Variants in STXBP5L observed in about 807,000 individuals in gnomAD.
STXBP5L encodes the protein syntaxin-binding protein 5-like.
In STXBP5L, 65 loss-of-function variants were observed where a neutral mutation model predicts 144.5. The observed-to-expected ratio is 0.45, with a 90% CI of 0.37 to 0.55. STXBP5L has a LOEUF of 0.55. STXBP5L is among the 20% of genes least tolerant of loss of function. The pLI is 0.00. For synonymous variants in STXBP5L, 505 were observed against 469.6 expected (o/e 1.08, Z -0.97); for missense variants, 1,298 against 1,405.5 (o/e 0.92, Z 1.22).
intron 3 of STXBP5L, among the ~76,000 whole-genome samples, chr3:121,007,139 T>C (rs990914540): frequency 6.6e-6 from 1 of 152,164 alleles, no homozygotes; most frequent in South Asian, 2.1e-4. Flanking sequence ...TTAAAAGTTA[T>C]TGAAATTATA....
At chr3:121,004,444 T>C (rs1277703664) in intron 3 of STXBP5L, among the ~76,000 whole-genome samples, 3 of 151,822 alleles carry the variant, frequency 2.0e-5, no homozygotes, top group Non-Finnish European at 4.4e-5. Context: ...CTTAAGGAGA[T>C]TTGGGGCTGA....
intron 2 of STXBP5L, among the ~76,000 whole-genome samples, chr3:120,935,819 T>C (rs1710238657): frequency 6.6e-6 from 1 of 152,202 alleles, no homozygotes; most frequent in East Asian, 1.9e-4. Flanking sequence ...TTTGATCTTC[T>C]GTAGTTTGGA....
intron 22 of STXBP5L, among the ~76,000 whole-genome samples, chr3:121,387,016 C>T (rs927894734): frequency 2.0e-5 from 3 of 152,176 alleles, no homozygotes; most frequent in Non-Finnish European, 2.9e-5. Flanking sequence ...TTTACACTCC[C>T]ACCAACAGTG....
At chr3:121,047,027 T>A (rs577955763) in intron 5 of STXBP5L, among the ~76,000 whole-genome samples, 12 of 152,272 alleles carry the variant, frequency 7.9e-5, no homozygotes, top group South Asian at 6.2e-4. Context: ...ACTTTAGCTG[T>A]GTCCTAGAGA....
chr3:120,969,398 T>G (rs762917724), intron 3 of STXBP5L, among the ~76,000 whole-genome samples: 25 of 30,998 alleles, frequency 8.1e-4, no homozygotes, highest in Admixed American at 3.0e-3. Flanking sequence ...TTATTTGTGT[T>G]TTTTTTTTTT....
chr3:121,006,598 G>T (rs1944329766), intron 3 of STXBP5L, among the ~76,000 whole-genome samples: 2 of 152,168 alleles, frequency 1.3e-5, no homozygotes, highest in South Asian at 2.1e-4. Context: ...TCATTATGAT[G>T]TTAGCTGGTT....
chr3:121,060,161 A>G (rs1340934475), intron 5 of STXBP5L, among the ~76,000 whole-genome samples: 4 of 152,034 alleles, frequency 2.6e-5, no homozygotes, highest in African/African-American at 9.7e-5. Context: ...TACCTAGTTT[A>G]CTGAGTGTTT....
At position 121,259,068 on chromosome 3, in the gene STXBP5L, C is replaced by T. The variant is rs756208490; in HGVS notation, c.1858C>T (p.Pro620Ser). The T allele has an allele frequency of 6.2e-7, 1 of 1,604,248 alleles. No individual in the cohort carries two copies. The highest frequency in any genetic ancestry group is 8.5e-7 in the Non-Finnish European group (1 of 1,174,204). ...TGTGAAGACACGGCCAGTGCGAATGCCTCCAGGATATCAAGCAGAACTTGT... is the reference window on the plus strand; with the variant it reads ...TGTGAAGACACGGCCAGTGCGAATGTCTCCAGGATATCAAGCAGAACTTGT... Reference protein sequence around the residue: ...LNVKTRPVRMPPGYQAELVIQ... With the variant: ...LNVKTRPVRMSPGYQAELVIQ... Residue 620 changes from proline to serine, a missense_variant, in exon 18 of 27, where the codon CCT becomes TCT. Pro to Ser is a moderately conservative substitution (Grantham distance 74). Transcript: ENST00000471454.
intron 22 of STXBP5L, among the ~76,000 whole-genome samples, chr3:121,401,419 A>C (rs573203778): frequency 6.0e-5 from 9 of 149,918 alleles, no homozygotes; most frequent in African/African-American, 2.2e-4. Flanking sequence ...ACTATAAATC[A>C]TGCTGCTATA....
At chr3:121,026,895 A>T (rs1945988712) in intron 3 of STXBP5L, among the ~76,000 whole-genome samples, 1 of 151,770 alleles carries the variant, frequency 6.6e-6, no homozygotes, top group African/African-American at 2.4e-5. Context: ...CTACAAAAAG[A>T]GGTTATTCCA....
At chr3:121,318,454 T>C in intron 19 of STXBP5L, 21 bp from the exon 20 acceptor site, 1 of 1,535,262 alleles carries the variant, frequency 6.5e-7, no homozygotes, top group Non-Finnish European at 8.7e-7. Context: ...TTTATCTCAT[T>C]TTTTTTCATT....
rs138006030 is a variant in STXBP5L at position 121,006,069 on chromosome 3, T to C, written c.288-35631T>C. ...GAGTTCTGTTGATGTCTGTTAGGTCTGCTTGGTGCAGAGCTGAGTTCAATT... is the reference window on the plus strand; with the variant it reads ...GAGTTCTGTTGATGTCTGTTAGGTCCGCTTGGTGCAGAGCTGAGTTCAATT... On this transcript the variant is annotated intron_variant, in intron 3 of 26. Transcript: ENST00000471454. 8.5e-5 allele frequency among the ~76,000 whole-genome samples: 13 copies of C among 152,262 alleles called. No homozygotes were observed. In the South Asian group the frequency reaches 1.0e-3, roughly 12 times the overall value.
At chr3:121,317,720 T>C (rs1260226959) in intron 19 of STXBP5L, among the ~76,000 whole-genome samples, 1 of 152,170 alleles carries the variant, frequency 6.6e-6, no homozygotes, top group Non-Finnish European at 1.5e-5. Context: ...GAAAGAATTA[T>C]AAAATGTTTA....
At chr3:121,088,958 G>A (rs1285800523) in intron 5 of STXBP5L, among the ~76,000 whole-genome samples, 1 of 86,840 alleles carries the variant, frequency 1.2e-5, no homozygotes, top group South Asian at 5.6e-4. Flanking sequence ...CGGGGGAGGG[G>A]GGAGGGATAG....
intron 3 of STXBP5L, among the ~76,000 whole-genome samples, chr3:120,980,628 T>C (rs1941668300): frequency 6.6e-6 from 1 of 152,136 alleles, no homozygotes. Context: ...TAAGAAGCTA[T>C]CATTGGATCT....
intron 2 of STXBP5L, among the ~76,000 whole-genome samples, chr3:120,935,429 T>G (rs201238464): frequency 5.0e-5 from 3 of 59,610 alleles, no homozygotes; most frequent in African/African-American, 1.9e-4. Flanking sequence ...ATTTAAAAAG[T>G]TTTTTTTACC....
At chr3:121,181,660 A>T (rs1222839010) in intron 9 of STXBP5L, among the ~76,000 whole-genome samples, 1 of 151,414 alleles carries the variant, frequency 6.6e-6, no homozygotes. Context: ...CTTGAACCCA[A>T]GAGGCAGTTG....
At chr3:121,167,283 A>G (rs1320367585) in intron 9 of STXBP5L, among the ~76,000 whole-genome samples, 1 of 152,250 alleles carries the variant, frequency 6.6e-6, no homozygotes, top group Non-Finnish European at 1.5e-5. Flanking sequence ...CTAACTGCTT[A>G]TGTGTTAATT....
intron 9 of STXBP5L, among the ~76,000 whole-genome samples, chr3:121,181,045 G>A (rs773131368): frequency 1.1e-4 from 16 of 149,200 alleles, no homozygotes; most frequent in Non-Finnish European, 1.5e-4. Flanking sequence ...AATGTAAATG[G>A]CCTGAGATTG....
Sources: gnomAD v4.1 joint callset for allele counts (sites outside exome capture counted in the v4.1 genomes callset) on GRCh38, gnomAD v4.1.1 for gene constraint, MANE v1.5 for transcripts, NCBI Gene and HGNC (gene_info 2026-07-23, HGNC 2026-07-21) for gene names.